VPS13D: variants seen among roughly 807,000 people sequenced by gnomAD.
VPS13D encodes vacuolar protein sorting 13 homolog D.
A neutral mutation model predicts 461.9 loss-of-function variants in VPS13D; 187 were observed. The ratio of observed to expected loss-of-function variants is 0.40; its 90% CI spans 0.36 to 0.46. The LOEUF (loss-of-function observed/expected upper bound fraction) is 0.46. Among genes scored for constraint, VPS13D ranks in the 20% least tolerant of loss-of-function variants. The pLI is 0.60. For missense variants in VPS13D, 4,711 were observed against 5,364.9 expected, an observed-to-expected ratio of 0.88 and a Z score of 3.81; for synonymous variants, 1,951 against 1,986.3, an observed-to-expected ratio of 0.98 and a Z score of 0.47.
rs1642639168 is a variant in VPS13D, at chr1:12,308,644, G to A, written c.6650+3G>A. ...CAGGTGGAAAGGAATTTGGACAAGTGAGTGTTTTTTTTTTTTTTTGAGATG... is the reference window on the plus strand; with the variant it reads ...CAGGTGGAAAGGAATTTGGACAAGTAAGTGTTTTTTTTTTTTTTTGAGATG... On this transcript the variant is annotated splice_donor_region_variant and intron_variant, in intron 27 of 69. Coordinates refer to ENST00000620676, the MANE Select transcript of VPS13D (RefSeq NM_015378.4). 2 of 1,606,454 alleles carry A rather than the reference G, an allele frequency of 1.2e-6. No homozygotes were observed. The highest frequency in any genetic ancestry group is 8.5e-7 in the Non-Finnish European group (1 of 1,175,134).
chr1:12,263,525 CT>C (rs1437728476), intron 13 of VPS13D, among the ~76,000 whole-genome samples: 1 of 152,058 alleles, frequency 6.6e-6, no homozygotes, highest in Non-Finnish European at 1.5e-5. Flanking sequence ...TATTTGCCTT[CT>C]TTTTGTGACT....
At chr1:12,381,800 T>C (rs1175094300) in intron 57 of VPS13D, among the ~76,000 whole-genome samples, 1 of 152,276 alleles carries the variant, frequency 6.6e-6, no homozygotes, top group Non-Finnish European at 1.5e-5. Flanking sequence ...GGAGTCTCTC[T>C]GAATCTGCTG....
chr1:12,416,147 C>T (rs1379872840), intron 64 of VPS13D, among the ~76,000 whole-genome samples: 3 of 152,216 alleles, frequency 2.0e-5, no homozygotes, highest in South Asian at 4.1e-4. Flanking sequence ...GATGCCACCT[C>T]ACCTCAGCCT....
intron 42 of VPS13D, among the ~76,000 whole-genome samples, chr1:12,344,159 G>GA (rs1334222098): frequency 1.3e-5 from 2 of 152,208 alleles, no homozygotes; most frequent in African/African-American, 4.8e-5. Context: ...CAGTGGATAT[G>GA]AATAGGTTAA....
intron 4 of VPS13D, 25 bp from the exon 5 acceptor site, chr1:12,244,512 C>T: frequency 1.2e-6 from 2 of 1,613,916 alleles, no homozygotes; most frequent in Non-Finnish European, 1.7e-6. Context: ...CTAGATTGAG[C>T]TAATGCTGAC....
chr1:12,316,352 C>T (rs1039984071), intron 30 of VPS13D, among the ~76,000 whole-genome samples: 5 of 152,108 alleles, frequency 3.3e-5, no homozygotes, highest in Admixed American at 6.6e-5. Flanking sequence ...GAACGCCTTT[C>T]GTGTCTGAAG....
At chr1:12,245,707 G>T (rs1378616246) in intron 5 of VPS13D, among the ~76,000 whole-genome samples, 1 of 151,948 alleles carries the variant, frequency 6.6e-6, no homozygotes, top group Non-Finnish European at 1.5e-5. Context: ...CCCATTCTGG[G>T]CAACAGACCA....
intron 37 of VPS13D, among the ~76,000 whole-genome samples, chr1:12,332,218 C>G (rs1044717491): frequency 4.6e-5 from 7 of 152,232 alleles, no homozygotes; most frequent in Non-Finnish European, 1.0e-4. Flanking sequence ...ACCGTAGAGA[C>G]TGTCTTGCCT....
chr1:12,394,248 A>G (rs1269303380), intron 60 of VPS13D, among the ~76,000 whole-genome samples: 1 of 152,118 alleles, frequency 6.6e-6, no homozygotes, highest in Non-Finnish European at 1.5e-5. Context: ...TATAATTCAA[A>G]CTAGTTTTTT....
chr1:12,404,784 C>T (rs1336545212), intron 63 of VPS13D, among the ~76,000 whole-genome samples: 2 of 152,112 alleles, frequency 1.3e-5, no homozygotes, highest in Admixed American at 1.3e-4. Context: ...TCAGTCAAGG[C>T]TGTGTGGCTA....
In VPS13D at chr1:12,327,815, A is replaced by G. The variant is rs756242480; in HGVS notation, c.8158A>G (p.Met2720Val). Reference sequence around the variant, plus strand: ...GTGCATCTGTTTCATCGATGACTGCATGGATTGTGATGTTCCTCTCGCTGA... The same window carrying G: ...GTGCATCTGTTTCATCGATGACTGCGTGGATTGTGATGTTCCTCTCGCTGA... The part of the protein sequence containing the change: ...SVCICFIDDC[M>V]DCDVPLAELT... The change falls in exon 36 of 70, where the codon ATG becomes GTG. Residue 2720 changes from methionine to valine, a missense_variant. Transcript: ENST00000620676. 1 of 1,613,996 alleles carries G rather than the reference A, an allele frequency of 6.2e-7. No homozygotes were observed.
At chr1:12,439,286 C>T (rs1219183448) in intron 65 of VPS13D, among the ~76,000 whole-genome samples, 1 of 152,148 alleles carries the variant, frequency 6.6e-6, no homozygotes, top group East Asian at 1.9e-4. Context: ...GTTCTCGCTG[C>T]TTCTCAACCC....
Position 12,393,334 on chromosome 1 carries a change from G to T in VPS13D, c.11635-6847G>T, listed in dbSNP as rs191878549. ...ACCTGGAGAGTTGATATACCCCTGC[G>T]GTTAGGACAGTAAAGGTATATTGCT... On this transcript the variant is annotated intron_variant, in intron 60 of 69. Coordinates refer to ENST00000620676, the MANE Select transcript of VPS13D (RefSeq NM_015378.4). 2.0e-5 allele frequency among the ~76,000 whole-genome samples: 3 copies of T among 152,358 alleles called. No homozygotes were observed. The East Asian group carries it at 5.8e-4, about 29-fold the overall frequency.
chr1:12,246,170 G>A (rs754255070), intron 5 of VPS13D, among the ~76,000 whole-genome samples: 24 of 152,160 alleles, frequency 1.6e-4, no homozygotes, highest in Non-Finnish European at 3.2e-4. Flanking sequence ...GGCGTTGGTC[G>A]CTGTGAATGT....
intron 39 of VPS13D, 167 bp from the exon 40 acceptor site, chr1:12,338,064 C>G: frequency 3.8e-6 from 2 of 528,278 alleles, no homozygotes; most frequent in Non-Finnish European, 6.8e-6. Context: ...TTCACTTTGT[C>G]AAGTACATTC....
intron 5 of VPS13D, among the ~76,000 whole-genome samples, chr1:12,245,456 A>C (rs1387543848): frequency 6.6e-6 from 1 of 152,250 alleles, no homozygotes; most frequent in East Asian, 1.9e-4. Context: ...CTTATGCCAG[A>C]AAGTTCAGTC....
chr1:12,400,795 A>G (rs1644564681), intron 61 of VPS13D, among the ~76,000 whole-genome samples: 1 of 152,122 alleles, frequency 6.6e-6, no homozygotes, highest in African/African-American at 2.4e-5. Flanking sequence ...TCTATAAAAA[A>G]TACAAAAATT....
At chr1:12,238,962 C>T (rs1237972316) in intron 2 of VPS13D, among the ~76,000 whole-genome samples, 2 of 151,964 alleles carry the variant, frequency 1.3e-5, no homozygotes, top group Admixed American at 6.6e-5. Flanking sequence ...TCCCTGATCT[C>T]AGAGGACTGT....
At chr1:12,457,464 G>T (rs1645344926) in intron 66 of VPS13D, among the ~76,000 whole-genome samples, 1 of 152,196 alleles carries the variant, frequency 6.6e-6, no homozygotes. Context: ...GAGGAGGGGA[G>T]AAGGACCACT....
Sources: gnomAD v4.1 joint callset for allele counts (sites outside exome capture counted in the v4.1 genomes callset) on GRCh38, gnomAD v4.1.1 for gene constraint, MANE v1.5 for transcripts, NCBI Gene and HGNC (gene_info 2026-07-23, HGNC 2026-07-21) for gene names.